FGF14: variants seen among roughly 807,000 people sequenced by gnomAD.
FGF14 encodes fibroblast growth factor 14, also known as fibroblast growth factor homologous factor 4.
Under a neutral mutation model 25.5 loss-of-function variants are expected in FGF14, and 5 were observed. The ratio of observed to expected loss-of-function variants is 0.20; its 90% confidence interval spans 0.10 to 0.41. The LOEUF (loss-of-function observed/expected upper bound fraction) is 0.41, where lower values mean the gene tolerates loss of function less well. FGF14 is among the 10% of genes least tolerant of loss of function. The pLI, the probability that FGF14 is intolerant of heterozygous loss-of-function variation, is 1.00. For missense variants in FGF14, 222 were observed against 320.1 expected (o/e 0.69, Z 2.34); for synonymous variants, 138 against 118.3 (o/e 1.17, Z -1.08).
At chr13:102,038,766 TTA>T (rs1207235363) in intron 1 of FGF14, among the ~76,000 whole-genome samples, 1 of 152,134 alleles carries the variant, frequency 6.6e-6, no homozygotes, top group Non-Finnish European at 1.5e-5. Flanking sequence ...TTTTAATATT[TTA>T]TATTTAAATG....
chr13:102,255,557 TAC>T (rs1432451054), intron 1 of FGF14, among the ~76,000 whole-genome samples: 4 of 152,176 alleles, frequency 2.6e-5, no homozygotes, highest in African/African-American at 9.7e-5. Context: ...CAGGCAGAGA[TAC>T]AGTCAGAAAG....
rs1216393314 is a variant in FGF14, at chr13:102,400,168, A to G, written c.208+1303T>C. Among the ~76,000 whole-genome samples, 1 of 151,838 alleles carries G rather than the reference A, an allele frequency of 6.6e-6. No individual in the cohort carries two copies. Among genetic ancestry groups the G allele is most frequent in the Non-Finnish European group, 1.5e-5 (1 of 67,954 alleles). ...CAAGGTTCGGAGGCTGGAGGGCAGC[A>G]GCCACTTGCTGCCCCAGTCGCTGGG... On this transcript the variant is annotated intron_variant, in intron 1 of 4. Transcript: ENST00000376131. The surrounding 1 kb of genome is among the most constrained non-coding windows in gnomAD (Gnocchi z 4.3).
chr13:102,311,029 TACACACACATAC>T (rs2055735434), intron 1 of FGF14, among the ~76,000 whole-genome samples: 1 of 151,868 alleles, frequency 6.6e-6, no homozygotes, highest in Non-Finnish European at 1.5e-5. Context: ...CATCAAAATT[TACACACACATAC>T]ACACACACAC....
At chr13:101,917,197 C>T (rs925382838), upstream of FGF14, among the ~76,000 whole-genome samples, 206 of 152,014 alleles carry the variant, frequency 1.4e-3, 1 homozygote, top group Admixed American at 5.6e-3. Flanking sequence ...CCGCTCTCGG[C>T]TTCTGCCGGT....
At chr13:102,279,173 T>C (rs1438267461) in intron 1 of FGF14, among the ~76,000 whole-genome samples, 3 of 152,210 alleles carry the variant, frequency 2.0e-5, no homozygotes, top group African/African-American at 7.2e-5. Context: ...CAAACCTCTC[T>C]ATACTTATGT....
At chr13:101,973,113 GTGC>G (rs2037706253) in intron 1 of FGF14, among the ~76,000 whole-genome samples, 3 of 134,116 alleles carry the variant, frequency 2.2e-5, no homozygotes, top group Non-Finnish European at 4.6e-5. Flanking sequence ...ATCATAAAGT[GTGC>G]TTCTTTTTTT....
At chr13:101,724,752 T>C (rs1383672671) in intron 4 of FGF14, among the ~76,000 whole-genome samples, 1 of 151,082 alleles carries the variant, frequency 6.6e-6, no homozygotes, top group African/African-American at 2.4e-5. Flanking sequence ...TTAATTTTCC[T>C]CTATCAAGTA....
rs547829769 is a variant in FGF14 at position 101,711,050 on chromosome 13, A to G, written c.*11781T>C. The G allele has an allele frequency of 6.6e-6, 1 of 152,156 alleles. No individual in the cohort carries two copies. The highest frequency in any genetic ancestry group is 1.5e-5 in the Non-Finnish European group (1 of 68,040). 9.4% of individuals were successfully genotyped at this position (152,156 alleles called of 1,614,324 possible). ...CAAAGGTGCCTTGCCCTTAGACTCAAATTGTTTTTGTGAATAACCAAGAGA... is the reference window on the plus strand; with the variant it reads ...CAAAGGTGCCTTGCCCTTAGACTCAGATTGTTTTTGTGAATAACCAAGAGA... On this transcript the variant is annotated 3_prime_UTR_variant, in exon 5 of 5. Transcript: ENST00000376143.
Position 102,028,954 on chromosome 13 carries a change from G to A in FGF14, c.209-153658C>T, listed in dbSNP as rs556146184. 3.9e-5 allele frequency among the ~76,000 whole-genome samples: 6 copies of A among 152,140 alleles called. No individual in the cohort carries two copies. In the East Asian group the frequency reaches 1.2e-3, roughly 29 times the overall value. On this transcript the variant is annotated intron_variant, in intron 1 of 4. Transcript: ENST00000376131. ...GTGCCTTTTCTCTCCACAGGGGAAG[G>A]AGCATTCAGCTAAAAATGAGGCTCA...
chr13:101,867,143 A>G (rs7330998), intron 3 of FGF14, among the ~76,000 whole-genome samples: 73,011 of 151,976 alleles, frequency 0.48, 18,862 homozygotes, highest in East Asian at 0.67. Context: ...TGCGGAAACC[A>G]TATTTAAAAT....
intron 1 of FGF14, among the ~76,000 whole-genome samples, chr13:102,339,774 A>G (rs1050539595): frequency 3.9e-5 from 6 of 152,224 alleles, no homozygotes; most frequent in Non-Finnish European, 8.8e-5. Context: ...ATGGTGAGAG[A>G]TAATAGGAAA....
At chr13:101,825,388 A>G (rs2042350281) in intron 3 of FGF14, among the ~76,000 whole-genome samples, 1 of 152,214 alleles carries the variant, frequency 6.6e-6, no homozygotes, top group South Asian at 2.1e-4. Context: ...GTTTCTTCCT[A>G]TTACTCATGG....
At chr13:102,122,630 A>G (rs1052750063) in intron 1 of FGF14, among the ~76,000 whole-genome samples, 3 of 152,286 alleles carry the variant, frequency 2.0e-5, no homozygotes, top group African/African-American at 7.2e-5. Flanking sequence ...AACTTTTTAT[A>G]AGCATTTTGA....
At chr13:102,354,230 A>C (rs1324959584) in intron 1 of FGF14, 1 of 152,240 alleles carries the variant, frequency 6.6e-6, no homozygotes. Flanking sequence ...CAGCTGCGGG[A>C]CAAAGGACAG....
At chr13:101,927,694 C>T (rs1344644187) in intron 1 of FGF14, among the ~76,000 whole-genome samples, 1 of 152,138 alleles carries the variant, frequency 6.6e-6, no homozygotes, top group Non-Finnish European at 1.5e-5. Flanking sequence ...AAGGGTCATT[C>T]TACCCTCGGT....
intron 1 of FGF14, among the ~76,000 whole-genome samples, chr13:102,280,707 G>A (rs1331763496): frequency 6.6e-6 from 1 of 152,168 alleles, no homozygotes; most frequent in African/African-American, 2.4e-5. Context: ...TTATTTTGGA[G>A]TATGCATGAG....
Position 101,726,759 on chromosome 13 carries a change from A to G in FGF14, c.460T>C (p.Tyr154His). The G allele has an allele frequency of 6.2e-7, 1 of 1,612,812 alleles. No homozygotes were observed. The highest frequency in any genetic ancestry group is 8.5e-7 in the Non-Finnish European group (1 of 1,179,358). Residue 154 changes from tyrosine to histidine, a missense_variant, in exon 4 of 5, where the codon TAT becomes CAT. Tyr to His is a moderately conservative substitution (Grantham distance 83, BLOSUM62 2). Transcript: ENST00000376143. ...KFKESVFENY[Y>H]VIYSSMLYRQ... Reference sequence around the variant, plus strand: ...TACAACATGGATGAGTAGATTACATAATAATTTTCAAAAACAGATTCTTTA... The same window carrying G: ...TACAACATGGATGAGTAGATTACATGATAATTTTCAAAAACAGATTCTTTA...
At chr13:102,387,877 A>G (rs9557858) in intron 1 of FGF14, among the ~76,000 whole-genome samples, 58,156 of 151,980 alleles carry the variant, frequency 0.38, 13,939 homozygotes, top group African/African-American at 0.68. Context: ...CTACAGGCGC[A>G]TACTACCACG....
chr13:101,763,610 G>A (rs1003387104), intron 3 of FGF14, among the ~76,000 whole-genome samples: 1 of 152,084 alleles, frequency 6.6e-6, no homozygotes, highest in Admixed American at 6.5e-5. Flanking sequence ...TGTAATCCCA[G>A]CACTTTGGGA....
Sources: allele counts gnomAD v4.1 joint callset (sites outside exome capture counted in the v4.1 genomes callset), GRCh38; gene constraint gnomAD v4.1.1; non-coding constraint Gnocchi (gnomAD v3.1); transcripts MANE v1.5; gene names NCBI Gene and HGNC (gene_info 2026-07-23, HGNC 2026-07-21).